AK9: variants seen among roughly 807,000 people sequenced by gnomAD.
AK9 encodes the protein adenylate kinase domain containing 1.
In AK9, 191 loss-of-function variants were observed where a neutral mutation model predicts 239.6. The ratio of observed to expected loss-of-function variants is 0.80; its 90% CI spans 0.71 to 0.90. AK9 has a LOEUF of 0.90. Ranked by LOEUF, AK9 falls within the 40% of genes least tolerant of loss-of-function variation. The probability of loss-of-function intolerance (pLI) is 0.00; values close to 1 mark genes in which losing one functional copy is unlikely to be tolerated. For missense variants in AK9, 1,995 were observed against 2,214.7 expected (o/e 0.90, Z 1.99); for synonymous variants, 689 against 721.0 (o/e 0.96, Z 0.71).
chr6:109,665,667 G>A (rs1801088917), intron 5 of AK9, among the ~76,000 whole-genome samples: 2 of 152,182 alleles, frequency 1.3e-5, no homozygotes, highest in Admixed American at 6.5e-5. Flanking sequence ...TACACTGAAC[G>A]GGACTGCATG....
At chr6:109,672,634 C>T (rs948800380) in intron 3 of AK9, among the ~76,000 whole-genome samples, 3 of 151,932 alleles carry the variant, frequency 2.0e-5, no homozygotes, top group Admixed American at 2.0e-4. Context: ...TGCAGAGAGC[C>T]GTGATCATGT....
intron 1 of AK9, among the ~76,000 whole-genome samples, chr6:109,682,912 T>A (rs1458290415): frequency 3.3e-5 from 5 of 152,156 alleles, no homozygotes; most frequent in African/African-American, 1.2e-4. Context: ...GCCAGCATCA[T>A]CCTGATACCA....
At position 109,506,394 on chromosome 6, in the gene AK9, A is replaced by C; in HGVS notation, c.4782T>G (p.Asn1594Lys). The change falls in exon 35 of 41, where the codon AAT (asparagine) becomes AAG (lysine). Residue 1594 changes from asparagine to lysine, a missense_variant. Physicochemically the swap from Asn to Lys is moderately conservative, Grantham distance 94. This residue lies in a region of AK9 where 391 missense variants were observed against 456.0 expected (regional missense o/e 0.86). Transcript: ENST00000424296. ...CCATTTGAACATTCTTAATGACTTC[A>C]TTCCATACCCACCATTTGCTGTGAA... ...DGFHSKWWVW[N>K]EVIKNVQMVN... The C allele has an allele frequency of 6.2e-7, 1 of 1,613,848 alleles. No homozygotes were observed. Among genetic ancestry groups the C allele is most frequent in the Non-Finnish European group, 8.5e-7 (1 of 1,179,962 alleles).
intron 19 of AK9, among the ~76,000 whole-genome samples, chr6:109,580,391 C>G (rs1001133395): frequency 6.6e-6 from 1 of 152,036 alleles, no homozygotes; most frequent in African/African-American, 2.4e-5. Flanking sequence ...AATGTTTGAT[C>G]TAGAAATCTA....
At chr6:109,493,864 A>T (rs911107048) in intron 40 of AK9, 117 bp downstream of exon 40, 32 of 786,624 alleles carry the variant, frequency 4.1e-5, no homozygotes, top group African/African-American at 1.8e-5. Context: ...TTTGCTACTA[A>T]CACTCTCTCT....
At chr6:109,528,598 G>T in intron 29 of AK9, 1 of 458,286 alleles carries the variant, frequency 2.2e-6, no homozygotes, top group Non-Finnish European at 4.4e-6. Flanking sequence ...CTTCTGCAAT[G>T]CTTTGTGCCT....
At chr6:109,598,500 T>A (rs1300105124) in intron 17 of AK9, among the ~76,000 whole-genome samples, 4 of 152,172 alleles carry the variant, frequency 2.6e-5, no homozygotes, top group Non-Finnish European at 5.9e-5. Context: ...TGGTTCTAAG[T>A]CTTTGCTATT....
At chr6:109,602,249 G>T (rs1792117515) in intron 17 of AK9, among the ~76,000 whole-genome samples, 1 of 152,168 alleles carries the variant, frequency 6.6e-6, no homozygotes, top group Non-Finnish European at 1.5e-5. Context: ...TCCTTCAGGA[G>T]CTCTTGTAGG....
At chr6:109,617,964 G>A (rs776683204) in intron 13 of AK9, among the ~76,000 whole-genome samples, 2 of 152,106 alleles carry the variant, frequency 1.3e-5, no homozygotes, top group Non-Finnish European at 2.9e-5. Context: ...AACATCTACC[G>A]TGCAAACTTG....
chr6:109,521,706 A>G (rs968944880), intron 29 of AK9, among the ~76,000 whole-genome samples: 4 of 152,130 alleles, frequency 2.6e-5, no homozygotes, highest in African/African-American at 9.6e-5. Context: ...AGCTGGAGTT[A>G]GTAATACAAG....
chr6:109,640,941 C>A (rs1276814984), intron 10 of AK9, among the ~76,000 whole-genome samples: 1 of 151,960 alleles, frequency 6.6e-6, no homozygotes, highest in East Asian at 1.9e-4. Context: ...TTCTTTGGTG[C>A]TGCAAATTTT....
rs1282542836 is a variant in AK9, at chr6:109,579,531, C to G, written c.2191+19G>C. On this transcript the variant is annotated intron_variant, in intron 20 of 40. Transcript: ENST00000424296. ...AACAATACCATGACACATCATCAGT[C>G]ATAGCAATCTGTGCTTGCCTTTTGC... is the stretch of plus-strand genomic sequence containing the variant. 2.6e-6 allele frequency: 4 copies of G among 1,545,306 alleles called. No individual in the cohort carries two copies. Among genetic ancestry groups the G allele is most frequent in the Non-Finnish European group, 3.5e-6 (4 of 1,142,130 alleles).
chr6:109,664,958 T>G (rs1214202991), intron 5 of AK9, among the ~76,000 whole-genome samples: 2 of 152,058 alleles, frequency 1.3e-5, no homozygotes, highest in South Asian at 2.1e-4. Context: ...GAGAATCGCT[T>G]GAACCCTGGA....
intron 26 of AK9, among the ~76,000 whole-genome samples, chr6:109,542,987 T>G (rs1053741880): frequency 4.6e-5 from 7 of 152,172 alleles, no homozygotes; most frequent in African/African-American, 1.7e-4. Context: ...CTTAACTGAT[T>G]TTTGTTATTT....
At chr6:109,554,196 A>T (rs1414381524) in intron 24 of AK9, among the ~76,000 whole-genome samples, 1 of 152,186 alleles carries the variant, frequency 6.6e-6, no homozygotes, top group Non-Finnish European at 1.5e-5. Flanking sequence ...TTTTGGTATC[A>T]GGCTGATGCT....
intron 1 of AK9, among the ~76,000 whole-genome samples, chr6:109,686,419 C>A (rs1421870544): frequency 6.6e-6 from 1 of 152,182 alleles, no homozygotes; most frequent in Non-Finnish European, 1.5e-5. Flanking sequence ...ATTTTGCAGG[C>A]CTCTTTAGTT....
chr6:109,585,076 C>A, intron 19 of AK9, 47 bp downstream of exon 19: 1 of 1,018,638 alleles, frequency 9.8e-7, no homozygotes, highest in Non-Finnish European at 1.2e-6. Context: ...TATTTAACTG[C>A]TATAACAGAT....
intron 1 of AK9, among the ~76,000 whole-genome samples, chr6:109,681,852 G>C (rs145959394): frequency 0.011 from 1,729 of 152,226 alleles, 31 homozygotes; most frequent in African/African-American, 0.038. Context: ...GGTAAATAAT[G>C]AAATTAAGGC....
At chr6:109,660,936 G>A (rs750573886) in intron 6 of AK9, 1 of 506,040 alleles carries the variant, frequency 2.0e-6, no homozygotes, top group South Asian at 1.4e-5. Context: ...CAGGTTTTTG[G>A]TAGCACAGAA....
Sources: allele counts gnomAD v4.1 joint callset (sites outside exome capture counted in the v4.1 genomes callset), GRCh38; gene constraint gnomAD v4.1.1; regional missense constraint gnomAD v4.1.1; transcripts MANE v1.5; gene names NCBI Gene and HGNC (gene_info 2026-07-23, HGNC 2026-07-21).